Variants in SLC5A4 observed in about 807,000 individuals in gnomAD.
SLC5A4 encodes the protein solute carrier family 5 member 4, also known as probable glucose sensor protein SLC5A4.
Under a neutral mutation model 70.3 loss-of-function variants are expected in SLC5A4, and 55 were observed. That is an observed-to-expected ratio of 0.78 (90% CI 0.63 to 0.98). The LOEUF is 0.98. Ranked by LOEUF, SLC5A4 falls within the 50% of genes least tolerant of loss-of-function variation. The probability of loss-of-function intolerance (pLI) is 0.00; values close to 1 mark genes in which losing one functional copy is unlikely to be tolerated. For missense variants in SLC5A4, 735 were observed against 839.2 expected (o/e 0.88, Z 1.53); for synonymous variants, 268 against 305.7 (o/e 0.88, Z 1.29).
Position 32,224,391 on chromosome 22 carries a change from G to C in SLC5A4, c.1541C>G (p.Pro514Arg), listed in dbSNP as rs1452849667. 1 of 1,613,982 alleles carries C rather than the reference G, an allele frequency of 6.2e-7. No individual in the cohort carries two copies. The highest frequency in any genetic ancestry group is 1.7e-5 in the Admixed American group (1 of 60,022). The change falls in exon 13 of 15, where the codon CCC (proline) becomes CGC (arginine). Residue 514 changes from proline (P) to arginine (R), a missense_variant. Transcript: ENST00000266086. ...ACAGATAATCTTGGGACAGTTACTG[G>C]GAGCCAAGCAACTCCCTGTTCCATA... The part of the protein sequence containing the change: ...FAYGTGSCLA[P>R]SNCPKIICGV...
the SLC5A4 span, among the ~76,000 whole-genome samples, chr22:32,349,372 G>C: frequency 6.6e-6 from 1 of 152,222 alleles, no homozygotes; most frequent in Non-Finnish European, 1.5e-5. Flanking sequence ...ATACAAGACA[G>C]AACTGCAGAT....
the SLC5A4 span, among the ~76,000 whole-genome samples, chr22:32,350,037 C>T: frequency 0.069 from 10,480 of 152,146 alleles, 824 homozygotes; most frequent in East Asian, 0.46. Context: ...GAGCCTTCCC[C>T]AGGTTTTGAG....
chr22:32,352,198 C>T, the SLC5A4 span, among the ~76,000 whole-genome samples: 1 of 143,454 alleles, frequency 7.0e-6, no homozygotes, highest in East Asian at 2.1e-4. Context: ...TGTTCTCACT[C>T]ATAGGTGGGA....
the SLC5A4 span, among the ~76,000 whole-genome samples, chr22:32,329,534 G>T: frequency 1.4e-5 from 2 of 146,286 alleles, no homozygotes; most frequent in South Asian, 2.2e-4. Context: ...TCTTGGGGGG[G>T]CTCTGTGTCT....
the SLC5A4 span, chr22:32,271,813 G>T: frequency 1.6e-6 from 1 of 608,212 alleles, no homozygotes; most frequent in Non-Finnish European, 3.2e-6. Flanking sequence ...CTGCCTACCT[G>T]TCCTATGATT....
the SLC5A4 span, chr22:32,269,322 G>A: frequency 3.2e-6 from 1 of 310,624 alleles, no homozygotes; most frequent in Non-Finnish European, 6.2e-6. The surrounding 1 kb of genome is among the most constrained non-coding windows in gnomAD (Gnocchi z 4.1). Context: ...AAATCACCTG[G>A]AGATCTTTTA....
intron 5 of SLC5A4, among the ~76,000 whole-genome samples, chr22:32,239,518 T>TTATATATATATA (rs1173210993): frequency 2.8e-4 from 7 of 25,210 alleles, no homozygotes; most frequent in Admixed American, 1.8e-3. Context: ...GGAGTGCATA[T>TTATATATATATA]TATATATATA....
the SLC5A4 span, among the ~76,000 whole-genome samples, chr22:32,331,036 G>A: frequency 9.8e-6 from 1 of 102,350 alleles, no homozygotes; most frequent in African/African-American, 3.8e-5. Context: ...TGTGTTGGAG[G>A]CTCTGGTGTG....
At chr22:32,308,554 T>G in the SLC5A4 span, among the ~76,000 whole-genome samples, 1 of 152,184 alleles carries the variant, frequency 6.6e-6, no homozygotes, top group South Asian at 2.1e-4. Flanking sequence ...CTGGAAACCA[T>G]CTCCTGGCCA....
the SLC5A4 span, among the ~76,000 whole-genome samples, chr22:32,342,813 T>C: frequency 6.6e-6 from 1 of 152,162 alleles, no homozygotes; most frequent in Middle Eastern, 3.2e-3. Flanking sequence ...TATTCAAAAT[T>C]AGAGTCAAAA....
chr22:32,292,140 T>TAA, the SLC5A4 span, among the ~76,000 whole-genome samples: 6 of 50,702 alleles, frequency 1.2e-4, no homozygotes, highest in Admixed American at 2.7e-4. Flanking sequence ...ATATTATATA[T>TAA]TATATTCTAT....
At chr22:32,255,574 G>A (rs1927438401), upstream of SLC5A4, among the ~76,000 whole-genome samples, 4 of 152,110 alleles carry the variant, frequency 2.6e-5, no homozygotes, top group Admixed American at 1.3e-4. Context: ...GGAGCATGGG[G>A]CGTTCTCTGA....
intron 5 of SLC5A4, among the ~76,000 whole-genome samples, chr22:32,239,518 TTATATATATATA>T (rs1173210993): frequency 5.2e-4 from 13 of 25,224 alleles, no homozygotes; most frequent in South Asian, 1.4e-3. Context: ...GGAGTGCATA[TTATATATATATA>T]TATATATATA....
the SLC5A4 span, among the ~76,000 whole-genome samples, chr22:32,340,673 G>A: frequency 6.6e-6 from 1 of 152,292 alleles, no homozygotes; most frequent in East Asian, 1.9e-4. Context: ...TGGTATCCCG[G>A]AGGGGAGAGG....
At chr22:32,341,758 C>A in the SLC5A4 span, among the ~76,000 whole-genome samples, 10 of 152,346 alleles carry the variant, frequency 6.6e-5, no homozygotes, top group East Asian at 1.9e-3. Context: ...TCTGCTAATG[C>A]ACTCTGCCTA....
chr22:32,299,377 C>A, the SLC5A4 span, among the ~76,000 whole-genome samples: 1 of 137,258 alleles, frequency 7.3e-6, no homozygotes, highest in Non-Finnish European at 1.6e-5. Context: ...TTTCTCTAAA[C>A]TTCCCTTCTC....
the SLC5A4 span, among the ~76,000 whole-genome samples, chr22:32,333,992 ACAC>A: frequency 6.0e-5 from 7 of 117,130 alleles, no homozygotes; most frequent in Admixed American, 4.9e-4. Flanking sequence ...TGCAACACAG[ACAC>A]ACTACACACA....
intron 1 of SLC5A4, among the ~76,000 whole-genome samples, 200 bp from the exon 2 acceptor site, chr22:32,254,413 T>C (rs866678404): frequency 2.0e-5 from 3 of 152,206 alleles, no homozygotes; most frequent in South Asian, 2.1e-4. Context: ...CTGGAAGAAC[T>C]TAAAAAAATC....
At chr22:32,287,664 T>C in the SLC5A4 span, among the ~76,000 whole-genome samples, 2 of 150,894 alleles carry the variant, frequency 1.3e-5, no homozygotes, top group East Asian at 2.0e-4. Flanking sequence ...TCTTTTTTTT[T>C]CTTTAGAGAT....
Sources: gnomAD v4.1 joint callset for allele counts (sites outside exome capture counted in the v4.1 genomes callset) on GRCh38, gnomAD v4.1.1 for gene constraint, Gnocchi (gnomAD v3.1) non-coding constraint, MANE v1.5 for transcripts, NCBI Gene and HGNC (gene_info 2026-07-23, HGNC 2026-07-21) for gene names.